Variants in PRELID2 observed in about 807,000 individuals in gnomAD.
The protein encoded by PRELID2 is PRELI domain containing 2.
A neutral mutation model predicts 28.4 loss-of-function variants in PRELID2; 25 were observed. The ratio of observed to expected loss-of-function variants is 0.88; its 90% CI spans 0.64 to 1.23. PRELID2 has a LOEUF of 1.23. PRELID2 is among the 50% of genes most tolerant of loss of function. PRELID2 has a pLI of 0.00. For missense variants in PRELID2, 201 were observed against 214.4 expected, an observed-to-expected ratio of 0.94 and a Z score of 0.39; for synonymous variants, 76 against 71.6, an observed-to-expected ratio of 1.06 and a Z score of -0.31.
chr5:145,499,539 G>A (rs1490215283), intron 1 of PRELID2, among the ~76,000 whole-genome samples: 1 of 152,148 alleles, frequency 6.6e-6, no homozygotes, highest in Non-Finnish European at 1.5e-5. Context: ...TGGATGGGGT[G>A]GGGTGGGGCC....
At chr5:145,364,917 C>T in the PRELID2 span, among the ~76,000 whole-genome samples, 1 of 151,916 alleles carries the variant, frequency 6.6e-6, no homozygotes, top group Non-Finnish European at 1.5e-5. Flanking sequence ...CTAAGACCTT[C>T]CAGTGGTAAA....
chr5:145,722,330 C>T (rs1011392851), intron 1 of PRELID2, among the ~76,000 whole-genome samples: 9 of 152,138 alleles, frequency 5.9e-5, no homozygotes, highest in African/African-American at 1.9e-4. Flanking sequence ...GACAGAGTCT[C>T]GCTCTGTCTC....
intron 4 of PRELID2, among the ~76,000 whole-genome samples, chr5:145,799,274 AC>A (rs1752974693): frequency 6.6e-6 from 1 of 151,802 alleles, no homozygotes; most frequent in Non-Finnish European, 1.5e-5. Flanking sequence ...ATCCAGCAAA[AC>A]TATCCTTCAA....
At chr5:145,707,153 A>T (rs1755570264) in intron 1 of PRELID2, among the ~76,000 whole-genome samples, 1 of 152,206 alleles carries the variant, frequency 6.6e-6, no homozygotes, top group Non-Finnish European at 1.5e-5. Flanking sequence ...AATGACTCTG[A>T]TTTTATACTC....
chr5:145,278,770 A>T, the PRELID2 span, among the ~76,000 whole-genome samples: 1 of 152,066 alleles, frequency 6.6e-6, no homozygotes, highest in Non-Finnish European at 1.5e-5. Context: ...CTTTTCTACT[A>T]CCGTTGGGGT....
chr5:145,726,217 A>AAAGGAAGGAAGG (rs778448790), intron 1 of PRELID2, among the ~76,000 whole-genome samples: 2 of 128,370 alleles, frequency 1.6e-5, no homozygotes, highest in African/African-American at 6.1e-5. Flanking sequence ...AAGAGAGAAG[A>AAAGGAAGGAAGG]AAGGAAGGAA....
intron 1 of PRELID2, among the ~76,000 whole-genome samples, chr5:145,830,054 CATGTTTCTGA>C (rs1755478826): frequency 6.6e-6 from 1 of 152,176 alleles, no homozygotes; most frequent in African/African-American, 2.4e-5. Context: ...AAAGTAAGGA[CATGTTTCTGA>C]ATCCCATACT....
chr5:145,359,950 C>T, the PRELID2 span, among the ~76,000 whole-genome samples: 2 of 152,128 alleles, frequency 1.3e-5, no homozygotes, highest in Non-Finnish European at 2.9e-5. Context: ...ATTGGATTGA[C>T]CGTGAGGCAT....
At chr5:145,750,736 A>C (rs969057434) in intron 1 of PRELID2, among the ~76,000 whole-genome samples, 8 of 152,216 alleles carry the variant, frequency 5.3e-5, no homozygotes, top group African/African-American at 1.9e-4. Context: ...ATTTCAGATA[A>C]CAGTTAAAAT....
chr5:145,335,256 T>C, the PRELID2 span, among the ~76,000 whole-genome samples: 1 of 151,968 alleles, frequency 6.6e-6, no homozygotes, highest in Non-Finnish European at 1.5e-5. Context: ...ATGTTGAAGC[T>C]TTCTCTTGCA....
At chr5:145,386,714 G>T in the PRELID2 span, among the ~76,000 whole-genome samples, 1 of 152,070 alleles carries the variant, frequency 6.6e-6, no homozygotes, top group African/African-American at 2.4e-5. Context: ...CCTACCACAG[G>T]ACAGAAATTA....
At chr5:145,284,224 A>C in the PRELID2 span, among the ~76,000 whole-genome samples, 2 of 152,238 alleles carry the variant, frequency 1.3e-5, no homozygotes, top group African/African-American at 4.8e-5. Flanking sequence ...CTATAAAATT[A>C]TCACTACATT....
At chr5:145,630,645 C>A (rs922892972) in intron 1 of PRELID2, among the ~76,000 whole-genome samples, 1 of 152,134 alleles carries the variant, frequency 6.6e-6, no homozygotes, top group Non-Finnish European at 1.5e-5. Flanking sequence ...GGATGCAAGA[C>A]CTTCTAAAAG....
the PRELID2 span, among the ~76,000 whole-genome samples, chr5:145,366,245 C>T: frequency 6.6e-6 from 1 of 151,832 alleles, no homozygotes; most frequent in Non-Finnish European, 1.5e-5. Flanking sequence ...GTAATCTGAG[C>T]ATAAATAACC....
At chr5:145,560,966 T>A (rs1752920795) in intron 1 of PRELID2, among the ~76,000 whole-genome samples, 1 of 152,032 alleles carries the variant, frequency 6.6e-6, no homozygotes, top group Non-Finnish European at 1.5e-5. Context: ...TTCCATGACG[T>A]TGAACCACTC....
intron 1 of PRELID2, among the ~76,000 whole-genome samples, chr5:145,663,639 C>T (rs763998974): frequency 6.6e-6 from 1 of 152,098 alleles, no homozygotes; most frequent in Non-Finnish European, 1.5e-5. Flanking sequence ...ATTAATAAGT[C>T]TTTATTAATA....
chr5:145,728,605 T>A lies in PRELID2; in HGVS notation n.70+36326A>T, dbSNP rs1015333444. 5 of 989,824 alleles carry A rather than the reference T, an allele frequency of 5.1e-6. No homozygotes were observed. In the African/African-American group the frequency reaches 8.0e-5, roughly 16 times the overall value. 61.3% of individuals were successfully genotyped at this position (989,824 alleles called of 1,614,324 possible). A position where few individuals can be genotyped will look rare whatever the true frequency, so the allele number is the denominator to read the frequency against. ...GCAATTAACACATTTAGCAAAACAATGACCACTGTAACATTATAGACTCCA... is the reference window on the plus strand; with the variant it reads ...GCAATTAACACATTTAGCAAAACAAAGACCACTGTAACATTATAGACTCCA... On this transcript the variant is annotated intron_variant and non_coding_transcript_variant, in intron 1 of 2. Transcript: ENST00000510259.
chr5:145,299,820 A>C, the PRELID2 span, among the ~76,000 whole-genome samples: 1 of 152,226 alleles, frequency 6.6e-6, no homozygotes, highest in Non-Finnish European at 1.5e-5. Context: ...TTCCTCATTA[A>C]CTAACTGGAA....
chr5:145,640,932 G>C (rs577740843), intron 1 of PRELID2, among the ~76,000 whole-genome samples: 1 of 151,948 alleles, frequency 6.6e-6, no homozygotes, highest in African/African-American at 2.4e-5. Context: ...AATAAATAGT[G>C]GTAGAACAAT....
Sources: gnomAD v4.1 joint callset for allele counts (sites outside exome capture counted in the v4.1 genomes callset) on GRCh38, gnomAD v4.1.1 for gene constraint, MANE v1.5 for transcripts, NCBI Gene and HGNC (gene_info 2026-07-23, HGNC 2026-07-21) for gene names.